Variants in CDH10 observed in about 807,000 individuals in gnomAD.
CDH10 encodes the protein cadherin 10.
CDH10 carries 30 observed loss-of-function variants against 73.1 expected under a neutral mutation model. That is an observed-to-expected ratio of 0.41 (90% CI 0.31 to 0.56). CDH10 has a LOEUF of 0.56. Ranked by LOEUF, CDH10 falls within the 20% of genes least tolerant of loss-of-function variation. The probability of loss-of-function intolerance (pLI) is 0.27; values close to 1 mark genes in which losing one functional copy is unlikely to be tolerated. For synonymous variants in CDH10, 345 were observed against 348.2 expected, an observed-to-expected ratio of 0.99 and a Z score of 0.10; for missense variants, 815 against 973.7, an observed-to-expected ratio of 0.84 and a Z score of 2.17.
chr5:24,609,662 C>A (rs1746878811), intron 1 of CDH10: 1 of 151,512 alleles, frequency 6.6e-6, no homozygotes, highest in Non-Finnish European at 1.5e-5. Context: ...AGCTACTGTA[C>A]AACAGAGACC....
chr5:24,490,645 C>T (rs573497438), intron 11 of CDH10, among the ~76,000 whole-genome samples: 11 of 152,092 alleles, frequency 7.2e-5, no homozygotes, highest in East Asian at 3.9e-4. Context: ...AAATAAAGAA[C>T]GTGGAAATAT....
intron 5 of CDH10, among the ~76,000 whole-genome samples, chr5:24,533,940 G>A (rs546881525): frequency 3.9e-5 from 6 of 152,140 alleles, no homozygotes; most frequent in South Asian, 4.1e-4. Context: ...ATATAGGTAC[G>A]TGATTAGTGT....
At chr5:24,581,336 C>A (rs193081793) in intron 2 of CDH10, among the ~76,000 whole-genome samples, 1 of 152,348 alleles carries the variant, frequency 6.6e-6, no homozygotes, top group African/African-American at 2.4e-5. Flanking sequence ...GTCTCATTCA[C>A]TTCCTTCCAG....
intron 5 of CDH10, among the ~76,000 whole-genome samples, chr5:24,519,354 AT>A (rs1199417390): frequency 1.3e-5 from 2 of 152,014 alleles, no homozygotes; most frequent in Non-Finnish European, 2.9e-5. Flanking sequence ...AAACAACAAA[AT>A]TTAAAAAGGT....
chr5:24,531,976 T>C (rs1743771767), intron 5 of CDH10, among the ~76,000 whole-genome samples: 1 of 152,088 alleles, frequency 6.6e-6, no homozygotes. Flanking sequence ...TAGATTCCAG[T>C]AGTACTTGGC....
intron 1 of CDH10, among the ~76,000 whole-genome samples, chr5:24,615,282 A>T (rs1025020739): frequency 2.0e-5 from 3 of 152,156 alleles, no homozygotes; most frequent in Non-Finnish European, 4.4e-5. Context: ...TATTTCAAAT[A>T]TTTTATATTT....
intron 5 of CDH10, among the ~76,000 whole-genome samples, chr5:24,521,215 C>A (rs1444013463): frequency 6.6e-6 from 1 of 152,128 alleles, no homozygotes; most frequent in Admixed American, 6.6e-5. Context: ...AGATGCAGAA[C>A]AATCCACATA....
intron 5 of CDH10, among the ~76,000 whole-genome samples, chr5:24,522,706 C>T (rs896545140): frequency 2.0e-5 from 3 of 152,056 alleles, no homozygotes; most frequent in Non-Finnish European, 4.4e-5. Flanking sequence ...CCTGTAATAT[C>T]TTGGAAAACA....
At chr5:24,596,842 C>G (rs973794610) in intron 1 of CDH10, among the ~76,000 whole-genome samples, 20 of 151,660 alleles carry the variant, frequency 1.3e-4, no homozygotes, top group African/African-American at 4.8e-4. Context: ...TTTATAAAAG[C>G]CTCTCTAAAT....
chr5:24,515,479 T>C (rs1579745584), intron 5 of CDH10, among the ~76,000 whole-genome samples: 1 of 152,178 alleles, frequency 6.6e-6, no homozygotes, highest in African/African-American at 2.4e-5. Flanking sequence ...CTGTACCACA[T>C]GGAAATGTAT....
intron 1 of CDH10, among the ~76,000 whole-genome samples, chr5:24,597,121 A>C (rs1746395826): frequency 6.6e-6 from 1 of 152,016 alleles, no homozygotes. Flanking sequence ...TTTAATATGA[A>C]TATCCTATGA....
intron 1 of CDH10, among the ~76,000 whole-genome samples, chr5:24,638,465 A>G (rs1040451839): frequency 1.3e-5 from 2 of 151,820 alleles, no homozygotes; most frequent in Non-Finnish European, 2.9e-5. Flanking sequence ...AGACAAAGTG[A>G]CAGTGCCTCT....
chr5:24,562,893 A>C (rs112904469), intron 2 of CDH10, among the ~76,000 whole-genome samples: 9,103 of 152,282 alleles, frequency 0.06, 526 homozygotes, highest in African/African-American at 0.16. Context: ...TTTTTTCCTC[A>C]ACCATTTGAC....
intron 5 of CDH10, among the ~76,000 whole-genome samples, chr5:24,529,683 T>C (rs1184459480): frequency 2.0e-5 from 3 of 150,496 alleles, no homozygotes; most frequent in Admixed American, 6.6e-5. Context: ...CATAATACCC[T>C]GCATACATAT....
At chr5:24,637,388 T>C (rs1323626752) in intron 1 of CDH10, among the ~76,000 whole-genome samples, 3 of 152,024 alleles carry the variant, frequency 2.0e-5, no homozygotes, top group East Asian at 3.9e-4. Flanking sequence ...AATACATGAC[T>C]GCCCATGATG....
chr5:24,493,002 T>C, intron 9 of CDH10, 77 bp from the exon 10 acceptor site: 1 of 672,872 alleles, frequency 1.5e-6, no homozygotes, highest in Non-Finnish European at 2.7e-6. Flanking sequence ...ATCTTCATTT[T>C]GTCTGAAGTT....
At position 24,608,627 on chromosome 5, in the gene CDH10, T is replaced by C. The variant is rs77759879; in HGVS notation, c.-123-15014A>G. On this transcript the variant is annotated intron_variant, in intron 1 of 11. Transcript: ENST00000264463. ...TGTTTTAACAAAAGGTTTCAAAATA[T>C]AAAGTAGTAGTAAAAATTACATTAT... Among the ~76,000 whole-genome samples, 644 of 152,304 alleles carry C rather than the reference T, an allele frequency of 4.2e-3. 1 individual carries two copies. The highest frequency in any genetic ancestry group is 0.013 in the African/African-American group (561 of 41,580).
chr5:24,515,818 T>C (rs1012622205), intron 5 of CDH10, among the ~76,000 whole-genome samples: 1 of 152,144 alleles, frequency 6.6e-6, no homozygotes. Flanking sequence ...TGGGAGGTAA[T>C]TGGATCATGG....
At chr5:24,582,468 T>A (rs1012587273) in intron 2 of CDH10, among the ~76,000 whole-genome samples, 2 of 152,058 alleles carry the variant, frequency 1.3e-5, no homozygotes, top group African/African-American at 4.8e-5. Context: ...TAATAGCACC[T>A]CTTGGAAGGA....
Sources: gnomAD v4.1 joint callset for allele counts (sites outside exome capture counted in the v4.1 genomes callset) on GRCh38, gnomAD v4.1.1 for gene constraint, MANE v1.5 for transcripts, NCBI Gene and HGNC (gene_info 2026-07-23, HGNC 2026-07-21) for gene names.